PGM5: variants seen among roughly 807,000 people sequenced by gnomAD.
PGM5 encodes the protein phosphoglucomutase 5, also known as phosphoglucomutase-like protein 5.
Under a neutral mutation model 59.2 loss-of-function variants are expected in PGM5, and 23 were observed. The ratio of observed to expected loss-of-function variants is 0.39; its 90% CI spans 0.28 to 0.55. PGM5 has a LOEUF of 0.55. Among genes scored for constraint, PGM5 ranks in the 20% least tolerant of loss-of-function variants. PGM5 has a pLI of 0.66. For missense variants in PGM5, 574 were observed against 748.3 expected (o/e 0.77, Z 2.72); for synonymous variants, 214 against 286.0 (o/e 0.75, Z 2.54).
chr9:68,378,769 A>T (rs1170281466), intron 2 of PGM5, among the ~76,000 whole-genome samples: 3 of 151,876 alleles, frequency 2.0e-5, no homozygotes, highest in Non-Finnish European at 4.4e-5. Context: ...TTTAGCCCAA[A>T]TCCTGGCCTC....
intron 6 of PGM5, among the ~76,000 whole-genome samples, chr9:68,418,878 T>A (rs1362873253): frequency 6.6e-6 from 1 of 151,988 alleles, no homozygotes; most frequent in African/African-American, 2.4e-5. Context: ...TAAGGAGGTG[T>A]TGGGAGATGA....
At chr9:68,462,205 T>A (rs1823867523) in intron 6 of PGM5, among the ~76,000 whole-genome samples, 1 of 152,092 alleles carries the variant, frequency 6.6e-6, no homozygotes, top group Non-Finnish European at 1.5e-5. Flanking sequence ...AAGTGAGTTC[T>A]CATGTTTATC....
intron 1 of PGM5, among the ~76,000 whole-genome samples, chr9:68,359,723 A>G (rs1554676125): frequency 6.6e-6 from 1 of 152,252 alleles, no homozygotes; most frequent in Admixed American, 6.5e-5. Context: ...GAAAAATAGA[A>G]AACTAGAATT....
chr9:68,423,663 C>CTG (rs1564001862), intron 6 of PGM5, among the ~76,000 whole-genome samples: 12 of 150,098 alleles, frequency 8.0e-5, no homozygotes, highest in Non-Finnish European at 1.6e-4. Flanking sequence ...CTGTCTCTCT[C>CTG]TCTCTCTCTC....
intron 6 of PGM5, among the ~76,000 whole-genome samples, chr9:68,401,316 C>T (rs1822661276): frequency 1.3e-5 from 2 of 150,436 alleles, no homozygotes; most frequent in African/African-American, 4.9e-5. Context: ...AATATATAGT[C>T]GTCATCACTC....
intron 2 of PGM5, among the ~76,000 whole-genome samples, chr9:68,384,087 G>A (rs2480160): frequency 3.4e-4 from 52 of 152,174 alleles, no homozygotes; most frequent in Admixed American, 1.2e-3. Flanking sequence ...AGCTGATTAC[G>A]TAACCAGGTT....
chr9:68,482,226 C>T (rs1324080194), intron 8 of PGM5, among the ~76,000 whole-genome samples: 1 of 151,994 alleles, frequency 6.6e-6, no homozygotes, highest in Non-Finnish European at 1.5e-5. Context: ...TTTTTCAACT[C>T]CTGAATCTCT....
chr9:68,419,386 C>T lies in PGM5; in HGVS notation c.1043+26913C>T, dbSNP rs978423215. Among the ~76,000 whole-genome samples, 4 of 152,160 alleles carry T rather than the reference C, an allele frequency of 2.6e-5. No homozygotes were observed. In the East Asian group the frequency reaches 7.7e-4, roughly 29 times the overall value. ...TAGGTTTAATGCTGAGCTCCCAGCC[C>T]TTATCTTTGCTTCTCCCCCTCCATT... On this transcript the variant is annotated intron_variant, in intron 6 of 10. Transcript: ENST00000396396.
chr9:68,505,706 C>T (rs1824642201), intron 10 of PGM5, among the ~76,000 whole-genome samples: 1 of 152,122 alleles, frequency 6.6e-6, no homozygotes, highest in Non-Finnish European at 1.5e-5. Context: ...GCCTCCAGCA[C>T]CTTGATGTGT....
At position 68,437,967 on chromosome 9, in the gene PGM5, T is replaced by C. The variant is rs899521263; in HGVS notation, c.1044-27126T>C. ...TACCACACATCACGTGCTTGGCTCA[T>C]GGAGACATTTACTCTCTGATTAGGA... is the stretch of plus-strand genomic sequence containing the variant. On this transcript the variant is annotated intron_variant, in intron 6 of 10. Coordinates refer to ENST00000396396, the MANE Select transcript of PGM5 (RefSeq NM_021965.4). The surrounding 1 kb of genome is among the most constrained non-coding windows in gnomAD (Gnocchi z 4.1). Among the ~76,000 whole-genome samples the C allele has an allele frequency of 6.6e-6, 1 of 152,096 alleles. No homozygotes were observed. Among genetic ancestry groups the C allele is most frequent in the Non-Finnish European group, 1.5e-5 (1 of 68,020 alleles).
At chr9:68,467,114 T>C (rs2132080554) in intron 7 of PGM5, among the ~76,000 whole-genome samples, 1 of 152,288 alleles carries the variant, frequency 6.6e-6, no homozygotes, top group South Asian at 2.1e-4. Context: ...TGATCGTCGC[T>C]TGCATACCTG....
chr9:68,429,482 G>A (rs1823306678), intron 6 of PGM5: 1 of 152,122 alleles, frequency 6.6e-6, no homozygotes, highest in Admixed American at 6.6e-5. Context: ...TTATATCAAA[G>A]AGTCAATTCA....
chr9:68,386,486 A>G (rs868968527), intron 3 of PGM5, among the ~76,000 whole-genome samples: 2 of 152,234 alleles, frequency 1.3e-5, no homozygotes, highest in African/African-American at 4.8e-5. Context: ...ATTATATGGC[A>G]TATTAAGATC....
At chr9:68,486,520 G>T (rs1824298920) in intron 9 of PGM5, among the ~76,000 whole-genome samples, 1 of 152,082 alleles carries the variant, frequency 6.6e-6, no homozygotes, top group African/African-American at 2.4e-5. Context: ...TTGTATAAAT[G>T]GAATCATATA....
intron 6 of PGM5, among the ~76,000 whole-genome samples, chr9:68,410,298 T>G (rs1207624516): frequency 6.6e-6 from 1 of 152,266 alleles, no homozygotes; most frequent in African/African-American, 2.4e-5. Context: ...GTCTTCATTC[T>G]GAATGGCCAC....
At chr9:68,504,993 A>C (rs948733155) in intron 10 of PGM5, among the ~76,000 whole-genome samples, 3 of 152,220 alleles carry the variant, frequency 2.0e-5, no homozygotes, top group Non-Finnish European at 2.9e-5. Context: ...AATAAAATAA[A>C]TGCCATTTTT....
At chr9:68,401,919 G>GTC (rs1822680279) in intron 6 of PGM5, among the ~76,000 whole-genome samples, 1 of 133,574 alleles carries the variant, frequency 7.5e-6, no homozygotes. Context: ...GTGTGTGTGT[G>GTC]TGTGTGTGTG....
intron 6 of PGM5, among the ~76,000 whole-genome samples, chr9:68,420,396 T>C (rs550970016): frequency 6.6e-6 from 1 of 152,176 alleles, no homozygotes; most frequent in Non-Finnish European, 1.5e-5. Context: ...ATATTATCTA[T>C]GAGGACTGTA....
intron 7 of PGM5, among the ~76,000 whole-genome samples, chr9:68,473,714 G>T (rs1480481627): frequency 6.6e-6 from 1 of 152,094 alleles, no homozygotes; most frequent in South Asian, 2.1e-4. Context: ...AACAATCCTG[G>T]TTTGTCCAGG....
Sources: allele counts gnomAD v4.1 joint callset (sites outside exome capture counted in the v4.1 genomes callset), GRCh38; gene constraint gnomAD v4.1.1; non-coding constraint Gnocchi (gnomAD v3.1); transcripts MANE v1.5; gene names NCBI Gene and HGNC (gene_info 2026-07-23, HGNC 2026-07-21).